Variants in FSIP1 observed in about 807,000 individuals in gnomAD.
FSIP1 encodes the protein fibrous sheath interacting protein 1, also known as fibrous sheath-interacting protein 1.
Under a neutral mutation model 60.9 loss-of-function variants are expected in FSIP1, and 65 were observed. The observed-to-expected ratio is 1.07, with a 90% confidence interval of 0.87 to 1.31. The LOEUF (loss-of-function observed/expected upper bound fraction) is 1.31. Among genes scored for constraint, FSIP1 ranks in the 40% most tolerant of loss-of-function variants. The pLI is 0.00. For synonymous variants in FSIP1, 209 were observed against 221.2 expected, an observed-to-expected ratio of 0.94 and a Z score of 0.49; for missense variants, 675 against 665.5, an observed-to-expected ratio of 1.01 and a Z score of -0.16.
At chr15:39,724,561 A>G (rs931134133) in intron 9 of FSIP1, among the ~76,000 whole-genome samples, 1 of 152,198 alleles carries the variant, frequency 6.6e-6, no homozygotes, top group Admixed American at 6.5e-5. Context: ...CCATATTCAT[A>G]CTTTTTATTT....
intron 5 of FSIP1, among the ~76,000 whole-genome samples, chr15:39,757,567 C>T (rs909947663): frequency 2.6e-5 from 4 of 151,886 alleles, no homozygotes; most frequent in Admixed American, 2.6e-4. Context: ...AAAGTAAATG[C>T]TAACTACTTT....
chr15:39,715,093 T>C (rs962178926), intron 9 of FSIP1, among the ~76,000 whole-genome samples: 1 of 151,860 alleles, frequency 6.6e-6, no homozygotes, highest in African/African-American at 2.4e-5. Context: ...ATGCTACCAG[T>C]CACCCTGTTG....
intron 5 of FSIP1, among the ~76,000 whole-genome samples, chr15:39,752,387 C>A (rs904063151): frequency 6.6e-6 from 1 of 151,884 alleles, no homozygotes; most frequent in African/African-American, 2.4e-5. Context: ...TAGAGTGTGG[C>A]AAAGGATGGG....
At chr15:39,733,515 C>T (rs1896491086) in intron 8 of FSIP1, among the ~76,000 whole-genome samples, 1 of 152,172 alleles carries the variant, frequency 6.6e-6, no homozygotes. Context: ...CCTATAGCCA[C>T]CTGTGGCAGA....
chr15:39,709,629 C>G (rs997609870), intron 10 of FSIP1, among the ~76,000 whole-genome samples: 1 of 152,040 alleles, frequency 6.6e-6, no homozygotes, highest in Non-Finnish European at 1.5e-5. Context: ...GTCTCTCAGA[C>G]AGTGGTCCCC....
At position 39,646,520 on chromosome 15, in the gene FSIP1, CA is replaced by C. The variant is rs71132108; in HGVS notation, c.1189-28276del. On this transcript the variant is annotated intron_variant, in intron 10 of 11. Coordinates refer to ENST00000350221, the MANE Select transcript of FSIP1 (RefSeq NM_152597.5). ...GTAACATAGCGAGACCTCATCTCTA[CA>C]AAAAAAAAAAAAAAAAAAAAAAAAA... 1.3e-3 allele frequency among the ~76,000 whole-genome samples: 36 copies of C among 27,110 alleles called. No homozygotes were observed. In the East Asian group the frequency reaches 0.014, roughly 11 times the overall value. The allele number at this position is 27,110 out of a possible 152,430, so 17.8% of individuals were successfully genotyped here. A position where few individuals can be genotyped will look rare whatever the true frequency, so the allele number is the denominator to read the frequency against.
intron 9 of FSIP1, among the ~76,000 whole-genome samples, chr15:39,722,823 G>A (rs1000755742): frequency 6.6e-6 from 1 of 152,098 alleles, no homozygotes; most frequent in African/African-American, 2.4e-5. Flanking sequence ...CCAGCTTCTG[G>A]GGACGGTGAG....
In FSIP1 at chr15:39,744,777, T is replaced by TCACACACACACACACACACACA. The variant is rs55691651; in HGVS notation, c.560-2899_560-2878dup. On this transcript the variant is annotated intron_variant, in intron 5 of 11. Transcript: ENST00000350221. ...CTCTCTCTCTCTCTCTCCCCCTCAG[T>TCACACACACACACACACACACA]CACACACACACACACACACACACAC... 2.0e-3 allele frequency among the ~76,000 whole-genome samples: 274 copies of TCACACACACACACACACACACA among 138,046 alleles called. 5 individuals are homozygous for TCACACACACACACACACACACA. The highest frequency in any genetic ancestry group is 0.011 in the Admixed American group (155 of 13,490). The allele number at this position is 138,046 out of a possible 152,430, so 90.6% of individuals were successfully genotyped here. A position where few individuals can be genotyped will look rare whatever the true frequency, so the allele number is the denominator to read the frequency against.
rs776706053 is a variant in FSIP1 at position 39,715,259 on chromosome 15, A to C, written c.1051-1678T>G. 6.6e-5 allele frequency among the ~76,000 whole-genome samples: 10 copies of C among 151,388 alleles called. 1 individual carries two copies. The highest frequency in any genetic ancestry group is 2.6e-4 in the Admixed American group (4 of 15,176). On this transcript the variant is annotated intron_variant, in intron 9 of 11. Transcript: ENST00000350221. ...CAGTTCCCCCAATTCCAACCCTCCA[A>C]CTCCTGAGACTCCTACCCATTTTGG...
intron 9 of FSIP1, among the ~76,000 whole-genome samples, chr15:39,726,363 A>T (rs1480379726): frequency 3.9e-5 from 6 of 152,178 alleles, no homozygotes; most frequent in African/African-American, 1.4e-4. Context: ...AGCTTAAATC[A>T]TAGAGATATA....
chr15:39,614,474 T>A (rs1281659097), intron 11 of FSIP1, among the ~76,000 whole-genome samples: 1 of 152,070 alleles, frequency 6.6e-6, no homozygotes, highest in Non-Finnish European at 1.5e-5. Context: ...TGAAATCTCG[T>A]CTCTACTAAA....
intron 10 of FSIP1, among the ~76,000 whole-genome samples, chr15:39,624,851 T>C (rs1218834051): frequency 3.3e-5 from 5 of 152,122 alleles, no homozygotes; most frequent in Admixed American, 3.3e-4. Context: ...GAAGCAAATA[T>C]CATTGCCAGA....
chr15:39,762,439 T>C (rs1432029818), intron 5 of FSIP1, among the ~76,000 whole-genome samples: 5 of 152,214 alleles, frequency 3.3e-5, no homozygotes, highest in African/African-American at 7.2e-5. Flanking sequence ...CCTAATCCAA[T>C]AGACTTCATC....
chr15:39,672,299 T>C (rs1893752467), intron 10 of FSIP1, among the ~76,000 whole-genome samples: 1 of 152,210 alleles, frequency 6.6e-6, no homozygotes, highest in African/African-American at 2.4e-5. Context: ...CAGTGCTCCA[T>C]GAAGAGGCGA....
Position 39,739,799 on chromosome 15 carries a change from AAAAAGTTCAAAATTTTTTCATAATT to A in FSIP1, c.656-35_656-11del. On this transcript the variant is annotated splice_polypyrimidine_tract_variant and intron_variant, in intron 6 of 11. Coordinates refer to ENST00000350221, the MANE Select transcript of FSIP1 (RefSeq NM_152597.5). ...ACATCACAGGTAAAATCTAATATTA[AAAAAGTTCAAAATTTTTTCATAATT>A]AAAAGTGTCAATTATGCTAAAAGTT... is the stretch of plus-strand genomic sequence containing the variant. The A allele has an allele frequency of 1.3e-6, 2 of 1,520,288 alleles. No individual in the cohort carries two copies. The highest frequency in any genetic ancestry group is 1.8e-6 in the Non-Finnish European group (2 of 1,132,290). 94.2% of individuals were successfully genotyped at this position (1,520,288 alleles called of 1,614,324 possible). A position where few individuals can be genotyped will look rare whatever the true frequency, so the allele number is the denominator to read the frequency against.
chr15:39,656,890 T>C (rs1006653836), intron 10 of FSIP1, among the ~76,000 whole-genome samples: 5 of 152,244 alleles, frequency 3.3e-5, no homozygotes, highest in African/African-American at 1.2e-4. Context: ...TGCCATCATT[T>C]GCAGAGGAGG....
chr15:39,637,154 A>G (rs1595558751), intron 10 of FSIP1, among the ~76,000 whole-genome samples: 1 of 152,318 alleles, frequency 6.6e-6, no homozygotes, highest in South Asian at 2.1e-4. Context: ...TTCAGCTCCA[A>G]CTAACCCAGA....
intron 10 of FSIP1, among the ~76,000 whole-genome samples, chr15:39,682,860 T>A (rs541305779): frequency 6.6e-6 from 1 of 152,340 alleles, no homozygotes; most frequent in East Asian, 1.9e-4. Context: ...CATGTGTTTA[T>A]ATTTAAATAA....
At chr15:39,753,690 C>T (rs1404137023) in intron 5 of FSIP1, among the ~76,000 whole-genome samples, 1 of 151,666 alleles carries the variant, frequency 6.6e-6, no homozygotes, top group Admixed American at 6.6e-5. Flanking sequence ...GTTCTTACAG[C>T]TCTCAGCATA....
Sources: allele counts gnomAD v4.1 joint callset (sites outside exome capture counted in the v4.1 genomes callset), GRCh38; gene constraint gnomAD v4.1.1; transcripts MANE v1.5; gene names NCBI Gene and HGNC (gene_info 2026-07-23, HGNC 2026-07-21).